Variants in IMMT observed in about 807,000 individuals in gnomAD.
The protein encoded by IMMT is MICOS complex subunit MIC60.
Under a neutral mutation model 92.7 loss-of-function variants are expected in IMMT, and 40 were observed. That is an observed-to-expected ratio of 0.43 (90% CI 0.34 to 0.56). The LOEUF (loss-of-function observed/expected upper bound fraction) is 0.56, where lower values mean the gene tolerates loss of function less well. IMMT is among the 20% of genes least tolerant of loss of function. The pLI is 0.03. For missense variants in IMMT, 831 were observed against 912.1 expected (o/e 0.91, Z 1.14); for synonymous variants, 322 against 336.1 (o/e 0.96, Z 0.46).
rs1674828148 is a variant in IMMT at position 86,144,364 on chromosome 2, T to A, written c.2181A>T (p.Glu727Asp). ...SRRVAQDWLK[E>D]ARMTLETKQI... ...GTTTCGTTTCTAGGGTCATTCGGGC[T>A]TCCTTCAGCCAGTCCTGTGCCACTC... The change falls in exon 15 of 15, where the codon GAA becomes GAT. Residue 727 changes from glutamate to aspartate, a missense_variant. Glu to Asp is a conservative substitution (Grantham distance 45). Coordinates refer to ENST00000410111, the MANE Select transcript of IMMT (RefSeq NM_006839.3). 1 of 1,614,016 alleles carries A rather than the reference T, an allele frequency of 6.2e-7. No individual in the cohort carries two copies. The highest frequency in any genetic ancestry group is 8.5e-7 in the Non-Finnish European group (1 of 1,179,894).
At chr2:86,186,992 G>A (rs955518574) in intron 1 of IMMT, among the ~76,000 whole-genome samples, 6 of 151,778 alleles carry the variant, frequency 4.0e-5, no homozygotes, top group Non-Finnish European at 7.4e-5. Context: ...CTATACTTCC[G>A]GCCATCTGCA....
intron 1 of IMMT, among the ~76,000 whole-genome samples, chr2:86,183,864 G>T (rs1672586238): frequency 6.6e-6 from 1 of 152,094 alleles, no homozygotes; most frequent in Non-Finnish European, 1.5e-5. Context: ...TCATGATTTG[G>T]TATTCCATTG....
chr2:86,180,059 C>A (rs1408378270), intron 2 of IMMT, among the ~76,000 whole-genome samples: 1 of 151,782 alleles, frequency 6.6e-6, no homozygotes, highest in East Asian at 1.9e-4. Flanking sequence ...CCTGGAGCAA[C>A]AGAACAAGAC....
intron 6 of IMMT, among the ~76,000 whole-genome samples, chr2:86,170,392 C>T (rs1324882491): frequency 2.0e-5 from 3 of 152,168 alleles, no homozygotes; most frequent in African/African-American, 7.2e-5. Flanking sequence ...GCACTCCAGT[C>T]TGGGTGACAG....
chr2:86,166,769 A>G, intron 6 of IMMT, 125 bp from the exon 7 acceptor site: 1 of 885,182 alleles, frequency 1.1e-6, no homozygotes, highest in South Asian at 2.0e-5. Flanking sequence ...AACAAAATAC[A>G]TGAGACTCAA....
At chr2:86,180,098 A>AATAC (rs1672331364) in intron 2 of IMMT, among the ~76,000 whole-genome samples, 1 of 152,122 alleles carries the variant, frequency 6.6e-6, no homozygotes, top group African/African-American at 2.4e-5. Context: ...TAAATAAATA[A>AATAC]ATAAAAGTAT....
chr2:86,166,711 G>A, intron 6 of IMMT, 67 bp from the exon 7 acceptor site: 2 of 1,435,224 alleles, frequency 1.4e-6, no homozygotes, highest in South Asian at 1.4e-5. Flanking sequence ...AACTTTTGCT[G>A]TTCTCCTATC....
chr2:86,186,386 C>T (rs1672771864), intron 1 of IMMT, among the ~76,000 whole-genome samples: 1 of 152,156 alleles, frequency 6.6e-6, no homozygotes, highest in Non-Finnish European at 1.5e-5. Context: ...AAACGTGCCC[C>T]TCTCCCAACA....
intron 1 of IMMT, among the ~76,000 whole-genome samples, chr2:86,187,909 T>C (rs2105594061): frequency 6.7e-6 from 1 of 149,290 alleles, no homozygotes; most frequent in South Asian, 2.1e-4. Context: ...TGAAACTCTG[T>C]CTCCAGAAAA....
chr2:86,180,034 G>A (rs1672325392), intron 2 of IMMT, among the ~76,000 whole-genome samples: 2 of 152,038 alleles, frequency 1.3e-5, no homozygotes, highest in Non-Finnish European at 2.9e-5. Flanking sequence ...CCATGATCAT[G>A]CCATTGCACT....
intron 10 of IMMT, among the ~76,000 whole-genome samples, chr2:86,155,009 C>T (rs955456130): frequency 6.6e-6 from 1 of 152,124 alleles, no homozygotes; most frequent in Admixed American, 6.6e-5. Context: ...ACCACAGGCG[C>T]ATGCCACCAT....
chr2:86,164,583 T>TGAG (rs1676530789), intron 7 of IMMT, among the ~76,000 whole-genome samples: 1 of 150,200 alleles, frequency 6.7e-6, no homozygotes, highest in African/African-American at 2.5e-5. Flanking sequence ...TTCAGCTACT[T>TGAG]GAGAGGCTAA....
chr2:86,187,671 G>A (rs1268323480), intron 1 of IMMT, among the ~76,000 whole-genome samples: 2 of 152,164 alleles, frequency 1.3e-5, no homozygotes, highest in Admixed American at 6.5e-5. Context: ...AGCACTTTGG[G>A]AGGCTGAGGC....
intron 1 of IMMT, among the ~76,000 whole-genome samples, chr2:86,186,811 G>T (rs963512081): frequency 1.3e-5 from 2 of 152,202 alleles, no homozygotes; most frequent in African/African-American, 4.8e-5. Flanking sequence ...AAGGTGGCCT[G>T]TTATGCAGCT....
chr2:86,177,631 G>A (rs865865402), intron 3 of IMMT, among the ~76,000 whole-genome samples: 1 of 151,970 alleles, frequency 6.6e-6, no homozygotes, highest in East Asian at 1.9e-4. Context: ...AAATTTTAAG[G>A]CTGGTGAGAA....
intron 10 of IMMT, among the ~76,000 whole-genome samples, chr2:86,158,087 C>A (rs1424371045): frequency 6.6e-6 from 1 of 152,214 alleles, no homozygotes; most frequent in Non-Finnish European, 1.5e-5. Flanking sequence ...TCTGTAGTTT[C>A]AGCTTGAGGA....
At chr2:86,146,658 C>T (rs1573871524) in intron 13 of IMMT, among the ~76,000 whole-genome samples, 2 of 152,088 alleles carry the variant, frequency 1.3e-5, no homozygotes, top group Non-Finnish European at 2.9e-5. Flanking sequence ...CCACCGTGCC[C>T]GGCCGATGTA....
Position 86,162,113 on chromosome 2 carries a change from C to A in IMMT, c.793-34G>T, listed in dbSNP as rs995204214. ...AAAATTTTAATTATATAATAAATAA[C>A]TGCTATTATTGTCATATGATAGGCC... is the stretch of plus-strand genomic sequence containing the variant. On this transcript the variant is annotated intron_variant, in intron 7 of 14. Coordinates refer to ENST00000410111, the MANE Select transcript of IMMT (RefSeq NM_006839.3). 10 of 1,314,254 alleles carry A rather than the reference C, an allele frequency of 7.6e-6. No homozygotes were observed. The African/African-American group carries it at 1.3e-4, about 18-fold the overall frequency. 81.4% of individuals were successfully genotyped at this position (1,314,254 alleles called of 1,614,324 possible). A position where few individuals can be genotyped will look rare whatever the true frequency, so the allele number is the denominator to read the frequency against.
Position 86,151,503 on chromosome 2 carries a change from C to A in IMMT, c.1195G>T (p.Asp399Tyr). The A allele has an allele frequency of 6.2e-7, 1 of 1,613,468 alleles. No homozygotes were observed. Among genetic ancestry groups the A allele is most frequent in the South Asian group, 1.1e-5 (1 of 91,070 alleles). Residue 399 changes from aspartate (D) to tyrosine (Y), a missense_variant, in exon 12 of 15, where the codon GAT becomes TAT. Transcript: ENST00000410111. Reference protein sequence around the residue: ...VSDLADKLSTDDLNSLIAHAH... With the variant: ...VSDLADKLSTYDLNSLIAHAH... Reference sequence around the variant, plus strand: ...TGAGCAATGAGGGAGTTCAGATCATCAGTAGAGAGCTTGTCAGCTAAGCAA... The same window carrying A: ...TGAGCAATGAGGGAGTTCAGATCATAAGTAGAGAGCTTGTCAGCTAAGCAA...
Sources: allele counts gnomAD v4.1 joint callset (sites outside exome capture counted in the v4.1 genomes callset), GRCh38; gene constraint gnomAD v4.1.1; transcripts MANE v1.5; gene names NCBI Gene and HGNC (gene_info 2026-07-23, HGNC 2026-07-21).